The following UEVLD variants were observed in gnomAD, a reference collection of about 807,000 sequenced individuals.
UEVLD encodes the protein UEV and lactate/malate dehyrogenase domains, also known as ubiquitin-conjugating enzyme E2 variant 3.
UEVLD carries 47 observed loss-of-function variants against 58.6 expected under a neutral mutation model. The ratio of observed to expected loss-of-function variants is 0.80; its 90% CI spans 0.63 to 1.02. The LOEUF (loss-of-function observed/expected upper bound fraction) is 1.02. Among genes scored for constraint, UEVLD ranks in the 50% least tolerant of loss-of-function variants. The pLI, the probability that UEVLD is intolerant of heterozygous loss-of-function variation, is 0.00. For missense variants in UEVLD, 510 were observed against 550.6 expected (o/e 0.93, Z 0.74); for synonymous variants, 197 against 195.3 (o/e 1.01, Z -0.07).
At chr11:18,585,968 G>A (rs972566503) in intron 1 of UEVLD, among the ~76,000 whole-genome samples, 2 of 152,164 alleles carry the variant, frequency 1.3e-5, no homozygotes, top group South Asian at 2.1e-4. Flanking sequence ...ATAATGTCAA[G>A]GTTATCCTTG....
chr11:18,563,763 G>C, intron 6 of UEVLD: 3 of 900,036 alleles, frequency 3.3e-6, no homozygotes, highest in Non-Finnish European at 4.0e-6. Flanking sequence ...CCAGCACTTT[G>C]GGAGGCCAGG....
At chr11:18,560,995 C>T (rs917717803) in intron 6 of UEVLD, among the ~76,000 whole-genome samples, 3 of 143,022 alleles carry the variant, frequency 2.1e-5, no homozygotes, top group Non-Finnish European at 3.1e-5. Context: ...TGGGACAGAG[C>T]GGGACTCCAT....
intron 7 of UEVLD, 72 bp from the exon 8 acceptor site, chr11:18,547,122 G>T: frequency 6.7e-7 from 1 of 1,485,970 alleles, no homozygotes; most frequent in Non-Finnish European, 9.0e-7. Flanking sequence ...CGATTAAAAG[G>T]TTGTTCTTTT....
chr11:18,545,271 C>A (rs190084899), intron 8 of UEVLD, among the ~76,000 whole-genome samples: 3,449 of 151,844 alleles, frequency 0.023, 60 homozygotes, highest in Non-Finnish European at 0.036. Flanking sequence ...CGGGGTTTCA[C>A]CATGTTGGCC....
rs1445624218 is a variant in UEVLD at position 18,564,963 on chromosome 11, T to C, written c.541A>G (p.Thr181Ala). ...CCAACCACAGTAATTTTATTGACTG[T>C]TTTATTCTCATGATTTGCCCAGCTC... Reference protein sequence around the residue: ...SKSWANHENKTVNKITVVGGG... With the variant: ...SKSWANHENKAVNKITVVGGG... The change falls in exon 6 of 12, where the codon ACA becomes GCA. Residue 181 changes from threonine (T) to alanine (A), a missense_variant. By Grantham distance (58) the Thr-to-Ala change is moderately conservative. Coordinates refer to ENST00000396197, the MANE Select transcript of UEVLD (RefSeq NM_001040697.4). 1.2e-6 allele frequency: 2 copies of C among 1,613,854 alleles called. No individual in the cohort carries two copies. Among genetic ancestry groups the C allele is most frequent in the Admixed American group, 1.7e-5 (1 of 59,992 alleles).
chr11:18,555,581 C>T (rs1223380053), intron 7 of UEVLD, among the ~76,000 whole-genome samples: 1 of 151,770 alleles, frequency 6.6e-6, no homozygotes, highest in Admixed American at 6.6e-5. Flanking sequence ...GAGTGAGACA[C>T]TGTCTAAAAA....
In UEVLD at chr11:18,553,182, C is replaced by T. The variant is rs143757557; in HGVS notation, c.715+5046G>A. ...AAAAAAAAAAAAAAAAAAAATTAGC[C>T]GGGCATGGTGGCGTGCTCCCGTAAT... On this transcript the variant is annotated intron_variant, in intron 7 of 11. Coordinates refer to ENST00000396197, the MANE Select transcript of UEVLD (RefSeq NM_001040697.4). Among the ~76,000 whole-genome samples, 1,040 of 139,948 alleles carry T rather than the reference C, an allele frequency of 7.4e-3. 12 individuals are homozygous for T. The highest frequency in any genetic ancestry group is 0.026 in the African/African-American group (985 of 37,660). 91.8% of individuals were successfully genotyped at this position (139,948 alleles called of 152,430 possible).
chr11:18,550,045 C>T (rs895903911), intron 7 of UEVLD, among the ~76,000 whole-genome samples: 3 of 152,048 alleles, frequency 2.0e-5, no homozygotes, highest in Non-Finnish European at 2.9e-5. Context: ...TGGTCTTGAA[C>T]TCCTGACCTC....
At chr11:18,578,171 G>C (rs1014953806) in intron 2 of UEVLD, among the ~76,000 whole-genome samples, 26 of 152,124 alleles carry the variant, frequency 1.7e-4, no homozygotes, top group African/African-American at 5.8e-4. Flanking sequence ...CTGTATTACT[G>C]GGGTGGGTCT....
chr11:18,581,750 G>A (rs1458455773), intron 1 of UEVLD, among the ~76,000 whole-genome samples: 1 of 152,028 alleles, frequency 6.6e-6, no homozygotes, highest in African/African-American at 2.4e-5. Flanking sequence ...TGCTAGAAGA[G>A]AAGCCTGATT....
intron 3 of UEVLD, among the ~76,000 whole-genome samples, chr11:18,574,860 A>C (rs1488673390): frequency 2.6e-5 from 4 of 152,186 alleles, no homozygotes; most frequent in Non-Finnish European, 5.9e-5. Context: ...TCACATAGAG[A>C]GGAAAGGAGG....
At chr11:18,569,088 G>A (rs1852453794) in intron 4 of UEVLD, among the ~76,000 whole-genome samples, 1 of 152,034 alleles carries the variant, frequency 6.6e-6, no homozygotes, top group Non-Finnish European at 1.5e-5. Context: ...TAGAGACAGG[G>A]TTTCACTGCG....
Position 18,578,719 on chromosome 11 carries a change from C to G in UEVLD, c.127+5G>C. On this transcript the variant is annotated splice_donor_5th_base_variant and intron_variant, in intron 2 of 11. Transcript: ENST00000396197. ...AGCATTTAAACTAGAGGATATGATTCTTACCATAGGTGTCCATGGAATATT... is the reference window on the plus strand; with the variant it reads ...AGCATTTAAACTAGAGGATATGATTGTTACCATAGGTGTCCATGGAATATT... The G allele has an allele frequency of 6.3e-7, 1 of 1,592,326 alleles. No individual in the cohort carries two copies. The highest frequency in any genetic ancestry group is 1.1e-5 in the South Asian group (1 of 87,588).
At chr11:18,559,774 C>G (rs1346474700) in intron 6 of UEVLD, among the ~76,000 whole-genome samples, 1 of 152,090 alleles carries the variant, frequency 6.6e-6, no homozygotes, top group Non-Finnish European at 1.5e-5. Flanking sequence ...ACTCCACATG[C>G]CTGTAAATAG....
intron 4 of UEVLD, among the ~76,000 whole-genome samples, chr11:18,569,360 C>T (rs575576907): frequency 2.0e-5 from 3 of 152,222 alleles, no homozygotes; most frequent in Admixed American, 2.0e-4. Context: ...TAGGTACCCT[C>T]CTACACTGAT....
intron 9 of UEVLD, among the ~76,000 whole-genome samples, chr11:18,537,326 T>A (rs202122463): frequency 0.047 from 4,952 of 105,112 alleles, 233 homozygotes; most frequent in African/African-American, 0.13. Flanking sequence ...ATATATATAT[T>A]TTTTTTTTTT....
At chr11:18,539,532 T>C (rs1850968928) in intron 9 of UEVLD, among the ~76,000 whole-genome samples, 1 of 152,116 alleles carries the variant, frequency 6.6e-6, no homozygotes. Context: ...TTTTGAAAAT[T>C]GTGTTTTGGC....
At chr11:18,571,322 G>A (rs927318160) in intron 3 of UEVLD, among the ~76,000 whole-genome samples, 8 of 152,152 alleles carry the variant, frequency 5.3e-5, no homozygotes, top group African/African-American at 1.9e-4. Context: ...ACTCCAGCCA[G>A]GTGACAGCGC....
chr11:18,579,788 C>T lies in UEVLD; in HGVS notation c.43-980G>A, dbSNP rs149150507. On this transcript the variant is annotated intron_variant, in intron 1 of 11. Coordinates refer to ENST00000396197, the MANE Select transcript of UEVLD (RefSeq NM_001040697.4). ...AGAAAATAAGTATATTAAGAGTTTA[C>T]CATTCTGAAAATGGATTTGAGACAA... Among the ~76,000 whole-genome samples, 30 of 152,140 alleles carry T rather than the reference C, an allele frequency of 2.0e-4. 1 individual carries two copies. Among genetic ancestry groups the T allele is most frequent in the African/African-American group, 7.2e-4 (30 of 41,500 alleles).
Sources: gnomAD v4.1 joint callset for allele counts (sites outside exome capture counted in the v4.1 genomes callset) on GRCh38, gnomAD v4.1.1 for gene constraint, MANE v1.5 for transcripts, NCBI Gene and HGNC (gene_info 2026-07-23, HGNC 2026-07-21) for gene names.